RASA3: variants seen among roughly 807,000 people sequenced by gnomAD.
RASA3 encodes the protein RAS p21 protein activator 3, also known as ras GTPase-activating protein 3.
RASA3 carries 73 observed loss-of-function variants against 110.0 expected under a neutral mutation model. That is an observed-to-expected ratio of 0.66 (90% CI 0.55 to 0.81). The LOEUF is 0.81. Among genes scored for constraint, RASA3 ranks in the 30% least tolerant of loss-of-function variants. The pLI, the probability that RASA3 is intolerant of heterozygous loss-of-function variation, is 0.00. For missense variants in RASA3, 976 were observed against 1,113.2 expected (o/e 0.88, Z 1.75); for synonymous variants, 500 against 451.4 (o/e 1.11, Z -1.37).
At chr13:113,999,238 G>C (rs1358333726) in intron 20 of RASA3, among the ~76,000 whole-genome samples, 1 of 152,184 alleles carries the variant, frequency 6.6e-6, no homozygotes, top group Non-Finnish European at 1.5e-5. Flanking sequence ...GCTTCCAAAA[G>C]GAATTCCAGA....
At chr13:114,023,706 C>T (rs141526217) in intron 8 of RASA3, among the ~76,000 whole-genome samples, 2 of 152,322 alleles carry the variant, frequency 1.3e-5, no homozygotes, top group African/African-American at 2.4e-5. Context: ...CCCCGTTTCC[C>T]GTGGGAGGCG....
chr13:114,132,372 G>A, intron 1 of RASA3, 63 bp downstream of exon 1: 1 of 1,416,802 alleles, frequency 7.1e-7, no homozygotes, highest in Non-Finnish European at 9.2e-7. Flanking sequence ...GAGGGGAGGC[G>A]GGCGCGGGAG....
At chr13:113,994,997 TC>T (rs1246182255) in intron 21 of RASA3, among the ~76,000 whole-genome samples, 2 of 152,098 alleles carry the variant, frequency 1.3e-5, no homozygotes, top group Admixed American at 6.6e-5. Context: ...TAAAAAAGCA[TC>T]CCCGAGCTGG....
intron 2 of RASA3, among the ~76,000 whole-genome samples, chr13:114,055,690 TG>T (rs2079232576): frequency 6.6e-6 from 1 of 152,104 alleles, no homozygotes; most frequent in South Asian, 2.1e-4. Flanking sequence ...CAGGAAGCCG[TG>T]GTGTTTGAAT....
chr13:114,019,047 T>C (rs891418318), intron 9 of RASA3, 128 bp from the exon 10 acceptor site: 2 of 1,212,200 alleles, frequency 1.6e-6, no homozygotes. Flanking sequence ...CCCCTCAGAG[T>C]GCAGCCCCTG....
intron 21 of RASA3, among the ~76,000 whole-genome samples, chr13:113,992,828 T>A (rs1481620482): frequency 6.6e-6 from 1 of 152,202 alleles, no homozygotes; most frequent in African/African-American, 2.4e-5. Flanking sequence ...CGGAACTAAC[T>A]AGCAACCTCT....
chr13:113,992,751 T>G (rs1202503463), intron 21 of RASA3, among the ~76,000 whole-genome samples, 163 bp from the exon 22 acceptor site: 1 of 152,374 alleles, frequency 6.6e-6, no homozygotes. Context: ...AGCCGGTGTG[T>G]TGGCTTGCTG....
At chr13:114,007,775 T>C (rs903816474) in intron 17 of RASA3, among the ~76,000 whole-genome samples, 169 bp from the exon 18 acceptor site, 11 of 152,216 alleles carry the variant, frequency 7.2e-5, no homozygotes, top group Non-Finnish European at 1.2e-4. Flanking sequence ...TGCTCCCCAC[T>C]GTGCCACCCC....
chr13:114,000,770 G>T, intron 19 of RASA3, 56 bp downstream of exon 19: 1 of 1,310,964 alleles, frequency 7.6e-7, no homozygotes, highest in Non-Finnish European at 1.1e-6. Context: ...AGCAGACTCA[G>T]TCCCAGGGCC....
At chr13:114,125,612 G>C (rs559836145) in intron 1 of RASA3, among the ~76,000 whole-genome samples, 29 of 152,290 alleles carry the variant, frequency 1.9e-4, no homozygotes, top group Admixed American at 3.9e-4. Context: ...GGAGATTGGT[G>C]GGGAGACCCC....
intron 4 of RASA3, among the ~76,000 whole-genome samples, chr13:114,036,893 C>T (rs773140292): frequency 2.6e-5 from 4 of 152,200 alleles, no homozygotes; most frequent in East Asian, 1.9e-4. Flanking sequence ...CTCCCTGTCA[C>T]GCTACGTTTT....
At chr13:113,979,497 T>C (rs557881122) in intron 23 of RASA3, 75 bp from the exon 24 acceptor site, 3 of 1,202,108 alleles carry the variant, frequency 2.5e-6, no homozygotes, top group East Asian at 2.3e-5. Flanking sequence ...GCGGGAGCTT[T>C]TCCTGTTCCT....
chr13:114,047,730 G>A (rs1257408823), intron 3 of RASA3, among the ~76,000 whole-genome samples: 2 of 152,240 alleles, frequency 1.3e-5, no homozygotes, highest in African/African-American at 4.8e-5. Context: ...CTGGCTCACA[G>A]CCGCACAGCG....
At chr13:113,992,273 A>G (rs974690339) in intron 22 of RASA3, among the ~76,000 whole-genome samples, 2 of 152,240 alleles carry the variant, frequency 1.3e-5, no homozygotes, top group Admixed American at 1.3e-4. Context: ...AAAATTATCT[A>G]TAGAACCTAT....
Position 114,112,104 on chromosome 13 carries a change from C to CCCG in RASA3, c.55+20330_55+20331insCGG, listed in dbSNP as rs371645001. ...GGAAACAGCAGCCCCCAGGCACCCCCCCCAGCAACTGGGACAAGGGCACAC... is the reference window on the plus strand; with the variant it reads ...GGAAACAGCAGCCCCCAGGCACCCCCCCGCCCAGCAACTGGGACAAGGGCACAC... On this transcript the variant is annotated intron_variant, in intron 1 of 23. Coordinates refer to ENST00000334062, the MANE Select transcript of RASA3 (RefSeq NM_007368.4). This position sits in a 1 kb window ranked among gnomAD's most constrained non-coding sequence, Gnocchi z 4.8. 1.1e-4 allele frequency among the ~76,000 whole-genome samples: 17 copies of CCCG among 152,004 alleles called. No individual in the cohort carries two copies. Among genetic ancestry groups the CCCG allele is most frequent in the Non-Finnish European group, 1.0e-4 (7 of 67,936 alleles).
At chr13:114,013,978 A>G (rs1342091349) in intron 14 of RASA3, among the ~76,000 whole-genome samples, 1 of 41,756 alleles carries the variant, frequency 2.4e-5, no homozygotes, top group Non-Finnish European at 5.2e-5. Context: ...CTCCGTCTCG[A>G]TCTCTCTCTC....
chr13:114,131,313 C>A (rs1404530407), intron 1 of RASA3, among the ~76,000 whole-genome samples: 1 of 152,142 alleles, frequency 6.6e-6, no homozygotes, highest in East Asian at 1.9e-4. Flanking sequence ...GGGAGAAGGA[C>A]CGTGGGGACC....
At chr13:114,019,009 G>C in intron 9 of RASA3, 90 bp from the exon 10 acceptor site, 2 of 1,502,486 alleles carry the variant, frequency 1.3e-6, no homozygotes, top group Admixed American at 3.5e-5. Context: ...GCTTGAGGTC[G>C]ACTGGTCAGG....
intron 1 of RASA3, among the ~76,000 whole-genome samples, chr13:114,116,659 T>C (rs558563599): frequency 6.6e-6 from 1 of 152,370 alleles, no homozygotes; most frequent in South Asian, 2.1e-4. Context: ...TAATGAAAAA[T>C]TAACTCTGCA....
Sources: allele counts gnomAD v4.1 joint callset (sites outside exome capture counted in the v4.1 genomes callset), GRCh38; gene constraint gnomAD v4.1.1; non-coding constraint Gnocchi (gnomAD v3.1); transcripts MANE v1.5; gene names NCBI Gene and HGNC (gene_info 2026-07-23, HGNC 2026-07-21).